Variants in SH3KBP1 observed in about 807,000 individuals in gnomAD.
SH3KBP1 encodes the protein SH3 domain containing kinase binding protein 1, also known as SH3 domain-containing kinase-binding protein 1.
In SH3KBP1, 8 loss-of-function variants were observed where a neutral mutation model predicts 50.1. The observed-to-expected ratio is 0.16, with a 90% CI of 0.09 to 0.29. The LOEUF (loss-of-function observed/expected upper bound fraction) is 0.29. Ranked by LOEUF, SH3KBP1 falls within the 10% of genes least tolerant of loss-of-function variation. The pLI, the probability that SH3KBP1 is intolerant of heterozygous loss-of-function variation, is 1.00. For missense variants in SH3KBP1, 377 were observed against 535.2 expected (o/e 0.70, Z 2.92); for synonymous variants, 227 against 218.6 (o/e 1.04, Z -0.34).
intron 3 of SH3KBP1, among the ~76,000 whole-genome samples, chrX:19,708,317 A>G (rs988681343): frequency 1.8e-5 from 2 of 112,606 alleles, no homozygotes; most frequent in Non-Finnish European, 3.8e-5. Flanking sequence ...GAAGTTCAGA[A>G]TCGATATCTT....
At chrX:19,594,470 A>G (rs1453628930) in intron 10 of SH3KBP1, among the ~76,000 whole-genome samples, 1 of 112,077 alleles carries the variant, frequency 8.9e-6, no homozygotes, top group Non-Finnish European at 1.9e-5. Flanking sequence ...GTTGAGGGGT[A>G]AGTGAAGTCA....
At chrX:19,797,730 T>C (rs761692850) in intron 2 of SH3KBP1, among the ~76,000 whole-genome samples, 40 of 111,067 alleles carry the variant, frequency 3.6e-4, no homozygotes, top group Admixed American at 1.5e-3. Context: ...GACAAACAAC[T>C]TGAGCCTATG....
At position 19,659,745 on chromosome X, in the gene SH3KBP1, G is replaced by A. The variant is rs769778654; in HGVS notation, c.727-14270C>T. Reference sequence around the variant, plus strand: ...TAAACCCATATTGTATGCCTTTCACGAAAATATCCTAGATGTCAACTGTTG... The same window carrying A: ...TAAACCCATATTGTATGCCTTTCACAAAAATATCCTAGATGTCAACTGTTG... On this transcript the variant is annotated intron_variant, in intron 6 of 17. Transcript: ENST00000397821. 2.5e-3 allele frequency among the ~76,000 whole-genome samples: 286 copies of A among 112,411 alleles called. 2 individuals are homozygous for A. The highest frequency in any genetic ancestry group is 8.7e-3 in the African/African-American group (270 of 30,976).
In SH3KBP1 at chrX:19,545,970, T is replaced by C; in HGVS notation, c.1575A>G (p.Arg525=). The part of the protein sequence containing the change: ...DKEEHISLAH[R]GVDASKKTSK... ...AAGTTTTCTTTGACGCGTCCACTCC[T>C]CTGTGCGCAAGTGAAATGTGTTCCT... Residue 525 remains arginine, a synonymous_variant, in exon 15 of 18, where the codon AGA becomes AGG. Coordinates refer to ENST00000397821, the MANE Select transcript of SH3KBP1 (RefSeq NM_031892.3). 5.0e-6 allele frequency: 6 copies of C among 1,211,146 alleles called. No individual in the cohort carries two copies. Among genetic ancestry groups the C allele is most frequent in the Non-Finnish European group, 6.7e-6 (6 of 894,873 alleles).
chrX:19,542,815 G>A (rs989309883), intron 15 of SH3KBP1, among the ~76,000 whole-genome samples: 11 of 111,803 alleles, frequency 9.8e-5, no homozygotes, highest in Non-Finnish European at 1.9e-4. Context: ...TGCATTGGTG[G>A]GAAGTACTGC....
intron 2 of SH3KBP1, among the ~76,000 whole-genome samples, chrX:19,824,017 A>G (rs2067602410): frequency 9.0e-6 from 1 of 110,740 alleles, no homozygotes; most frequent in Non-Finnish European, 1.9e-5. Flanking sequence ...GACAGGTTTC[A>G]TCATGTTGGC....
intron 4 of SH3KBP1, among the ~76,000 whole-genome samples, chrX:19,696,179 T>C (rs2063411298): frequency 8.9e-6 from 1 of 112,008 alleles, no homozygotes; most frequent in African/African-American, 3.2e-5. Context: ...TTACACCTAC[T>C]GGGAGACCTT....
chrX:19,878,505 T>TGTGTGTGTGTGTGTGTGTGA (rs1491094714), intron 1 of SH3KBP1, among the ~76,000 whole-genome samples: 10 of 48,253 alleles, frequency 2.1e-4, no homozygotes, highest in African/African-American at 5.4e-4. Flanking sequence ...TGTGTGTGTG[T>TGTGTGTGTGTGTGTGTGTGA]GAGAGAGAGA....
chrX:19,553,663 C>T (rs905143744), intron 13 of SH3KBP1, among the ~76,000 whole-genome samples: 2 of 104,708 alleles, frequency 1.9e-5, no homozygotes, highest in Non-Finnish European at 3.9e-5. Flanking sequence ...GCAGAATGGC[C>T]CATTCTGTTT....
At chrX:19,639,938 CAT>C (rs1489262464) in intron 7 of SH3KBP1, among the ~76,000 whole-genome samples, 21 of 71,448 alleles carry the variant, frequency 2.9e-4, no homozygotes, top group African/African-American at 1.0e-3. Flanking sequence ...CCTATTTAAA[CAT>C]GTGGTGAGAA....
At chrX:19,778,228 C>T (rs1430814919) in intron 2 of SH3KBP1, among the ~76,000 whole-genome samples, 2 of 109,934 alleles carry the variant, frequency 1.8e-5, no homozygotes, top group South Asian at 3.9e-4. Flanking sequence ...GTCAGGAGTT[C>T]GAGACCAGCC....
At chrX:19,638,829 A>G (rs751681989) in intron 7 of SH3KBP1, among the ~76,000 whole-genome samples, 1 of 112,032 alleles carries the variant, frequency 8.9e-6, no homozygotes, top group Non-Finnish European at 1.9e-5. Flanking sequence ...TCATCTATTC[A>G]GTAAATAATA....
At position 19,539,475 on chromosome X, in the gene SH3KBP1, GGAA is replaced by G. The variant is rs770605599; in HGVS notation, c.1893-1698_1893-1696del. On this transcript the variant is annotated intron_variant, in intron 16 of 17. Coordinates refer to ENST00000397821, the MANE Select transcript of SH3KBP1 (RefSeq NM_031892.3). ...GTGGGTACTACTTAGGGATTAGGAAGGAAGAAGGTGAGACTCCAAGCAAATGCT... is the reference window on the plus strand; with the variant it reads ...GTGGGTACTACTTAGGGATTAGGAAGGAAGGTGAGACTCCAAGCAAATGCT... Among the ~76,000 whole-genome samples, 337 of 112,089 alleles carry G rather than the reference GGAA, an allele frequency of 3.0e-3. 2 individuals carry two copies. The highest frequency in any genetic ancestry group is 0.011 in the African/African-American group (328 of 30,856).
At chrX:19,858,504 T>C (rs2147504007) in intron 1 of SH3KBP1, among the ~76,000 whole-genome samples, 1 of 111,677 alleles carries the variant, frequency 9.0e-6, no homozygotes, top group Non-Finnish European at 1.9e-5. Flanking sequence ...GGTACACACC[T>C]GTAGTCCCAA....
intron 3 of SH3KBP1, among the ~76,000 whole-genome samples, chrX:19,716,427 C>T (rs1052377458): frequency 8.9e-6 from 1 of 112,011 alleles, no homozygotes; most frequent in African/African-American, 3.3e-5. Context: ...ATCTCTGCAC[C>T]GCAGAACACA....
At chrX:19,838,820 G>C (rs1821539018) in intron 1 of SH3KBP1, among the ~76,000 whole-genome samples, 1 of 105,077 alleles carries the variant, frequency 9.5e-6, no homozygotes, top group Non-Finnish European at 1.9e-5. Flanking sequence ...CCGGAAGGCG[G>C]AGGTTGCGGT....
intron 2 of SH3KBP1, among the ~76,000 whole-genome samples, chrX:19,831,642 T>A (rs1483103056): frequency 9.4e-6 from 1 of 105,870 alleles, no homozygotes; most frequent in Non-Finnish European, 1.9e-5. Context: ...AAATACAAAA[T>A]CAGCCAGGCG....
At chrX:19,811,329 CTTAGCAGTTAG>C (rs2067201541) in intron 2 of SH3KBP1, among the ~76,000 whole-genome samples, 1 of 112,095 alleles carries the variant, frequency 8.9e-6, no homozygotes, top group African/African-American at 3.3e-5. Context: ...TGACTACAGG[CTTAGCAGTTAG>C]AACTTGATAG....
chrX:19,771,207 C>T (rs2065780712), intron 2 of SH3KBP1, among the ~76,000 whole-genome samples: 1 of 112,219 alleles, frequency 8.9e-6, no homozygotes, highest in South Asian at 3.6e-4. Context: ...AAGGACTTAT[C>T]TAGGGAAGTA....
Sources: allele counts gnomAD v4.1 joint callset (sites outside exome capture counted in the v4.1 genomes callset), GRCh38; gene constraint gnomAD v4.1.1; transcripts MANE v1.5; gene names NCBI Gene and HGNC (gene_info 2026-07-23, HGNC 2026-07-21).